Variants in PATL2 observed in about 807,000 individuals in gnomAD.
PATL2 encodes protein PAT1 homolog 2.
In PATL2, 73 loss-of-function variants were observed where a neutral mutation model predicts 77.0. That is an observed-to-expected ratio of 0.95 (90% CI 0.78 to 1.15). PATL2 has a LOEUF of 1.15. Ranked by LOEUF, PATL2 falls within the 50% of genes most tolerant of loss-of-function variation. The pLI is 0.00. For missense variants in PATL2, 618 were observed against 655.4 expected (o/e 0.94, Z 0.62); for synonymous variants, 265 against 257.1 (o/e 1.03, Z -0.29).
At chr15:44,693,617 T>C (rs1006672583) in intron 3 of PATL2, among the ~76,000 whole-genome samples, 1 of 152,192 alleles carries the variant, frequency 6.6e-6, no homozygotes, top group African/African-American at 2.4e-5. Context: ...TAAAGTAATG[T>C]TTCTGCAGGT....
intron 3 of PATL2, among the ~76,000 whole-genome samples, chr15:44,680,212 G>T (rs1372407751): frequency 6.6e-6 from 1 of 152,134 alleles, no homozygotes; most frequent in Non-Finnish European, 1.5e-5. Context: ...CCACTTGAAT[G>T]TGCCATCTGC....
intron 3 of PATL2, among the ~76,000 whole-genome samples, chr15:44,704,740 T>C (rs1329373686): frequency 6.6e-6 from 1 of 152,250 alleles, no homozygotes; most frequent in African/African-American, 2.4e-5. Context: ...TGCTCATTAA[T>C]GTCCTTTTCT....
At chr15:44,696,846 T>G (rs1374878880) in intron 3 of PATL2, among the ~76,000 whole-genome samples, 2 of 152,148 alleles carry the variant, frequency 1.3e-5, no homozygotes, top group African/African-American at 4.8e-5. Context: ...ATAAATTAAT[T>G]ATTGGGCTGA....
chr15:44,670,120 A>G lies in PATL2; in HGVS notation c.658-33T>C, dbSNP rs991782557. On this transcript the variant is annotated intron_variant, in intron 9 of 17. Coordinates refer to ENST00000682850, the MANE Select transcript of PATL2 (RefSeq NM_001387263.1). ...TGCACGGAATAGGAAACAAAAAAACAAAACACCTTATATTCATCTTTTGAA... is the reference window on the plus strand; with the variant it reads ...TGCACGGAATAGGAAACAAAAAAACGAAACACCTTATATTCATCTTTTGAA... The G allele has an allele frequency of 1.9e-6, 3 of 1,549,030 alleles. No homozygotes were observed. In the Admixed American group the frequency reaches 6.0e-5, roughly 31 times the overall value.
At chr15:44,677,521 C>A (rs929776054) in intron 3 of PATL2, among the ~76,000 whole-genome samples, 1 of 152,114 alleles carries the variant, frequency 6.6e-6, no homozygotes, top group Non-Finnish European at 1.5e-5. Flanking sequence ...TCAACAACAA[C>A]AAAAACAAAA....
chr15:44,708,759 ATAAACAT>A (rs892272653), intron 3 of PATL2, among the ~76,000 whole-genome samples: 3 of 152,252 alleles, frequency 2.0e-5, no homozygotes, highest in Non-Finnish European at 2.9e-5. Flanking sequence ...TAAAACTGCT[ATAAACAT>A]TAAACATTAA....
At chr15:44,688,682 C>A (rs1316356569) in intron 3 of PATL2, among the ~76,000 whole-genome samples, 1 of 152,176 alleles carries the variant, frequency 6.6e-6, no homozygotes, top group East Asian at 1.9e-4. Context: ...AACTGGACCC[C>A]TTCCTTACAC....
intron 3 of PATL2, among the ~76,000 whole-genome samples, chr15:44,700,363 G>C (rs183039377): frequency 2.6e-5 from 4 of 152,196 alleles, no homozygotes; most frequent in Admixed American, 2.6e-4. Context: ...GTGCAGTGGT[G>C]CCATCTTGGT....
At chr15:44,710,768 G>A (rs1251335134) in intron 2 of PATL2, among the ~76,000 whole-genome samples, 103 bp downstream of exon 2, 6 of 152,120 alleles carry the variant, frequency 3.9e-5, no homozygotes, top group South Asian at 2.1e-4. Context: ...TACCTAGAGG[G>A]CGCTGGAAGC....
At position 44,675,683 on chromosome 15, in the gene PATL2, T is replaced by C. The variant is rs1566857097; in HGVS notation, c.25A>G (p.Lys9Glu). Residue 9 changes from lysine (K) to glutamate (E), a missense_variant, in exon 5 of 18, where the codon AAG (lysine) becomes GAG (glutamate). Transcript: ENST00000682850. The part of the protein sequence containing the change: MNCLEGPG[K>E]TCGPLASEEE... The stretch of plus-strand genomic sequence containing the variant: ...TCAGAAGCCAAGGGGCCACAGGTCT[T>C]ACCTGGCCCTTGGTTTAAGTGTGGG... 1.3e-6 allele frequency: 2 copies of C among 1,548,756 alleles called. No individual in the cohort carries two copies. The highest frequency in any genetic ancestry group is 2.7e-5 in the African/African-American group (2 of 72,956).
At chr15:44,708,588 C>A (rs1354981243) in intron 3 of PATL2, among the ~76,000 whole-genome samples, 1 of 152,102 alleles carries the variant, frequency 6.6e-6, no homozygotes, top group Admixed American at 6.5e-5. Flanking sequence ...TGTCTGACTT[C>A]TTTTATTTAC....
At chr15:44,679,557 T>C (rs1025040059) in intron 3 of PATL2, among the ~76,000 whole-genome samples, 19 of 147,574 alleles carry the variant, frequency 1.3e-4, no homozygotes, top group Admixed American at 1.3e-4. Context: ...TTTTTCTTTT[T>C]TTTTTTTTTT....
rs562374731 is a variant in PATL2, at chr15:44,676,931, C to T, written c.-75-366G>A. ...GCAGCCTGGGCCAGGACCTGTTTGC[C>T]GCTCCTGGCTTTAAAAGTCCCAGCT... On this transcript the variant is annotated intron_variant, in intron 3 of 17. Transcript: ENST00000682850. 62 of 1,010,402 alleles carry T rather than the reference C, an allele frequency of 6.1e-5. 1 individual carries two copies. In the South Asian group the frequency reaches 1.5e-3, roughly 24 times the overall value. The allele number at this position is 1,010,402 out of a possible 1,614,324, so 62.6% of individuals were successfully genotyped here.
At chr15:44,686,470 T>C (rs762051678) in intron 3 of PATL2, among the ~76,000 whole-genome samples, 34 of 152,098 alleles carry the variant, frequency 2.2e-4, no homozygotes, top group East Asian at 3.8e-4. Context: ...AGATCTAAAA[T>C]TGACACCTTA....
chr15:44,702,577 T>C (rs934787245), intron 3 of PATL2, among the ~76,000 whole-genome samples: 11 of 152,072 alleles, frequency 7.2e-5, no homozygotes, highest in African/African-American at 2.7e-4. Context: ...TGCATCATTA[T>C]GTTGTTTATT....
chr15:44,695,174 C>T (rs544817255), intron 3 of PATL2, among the ~76,000 whole-genome samples: 33 of 150,118 alleles, frequency 2.2e-4, no homozygotes, highest in Middle Eastern at 3.4e-3. Context: ...GGCGACAGAG[C>T]GAGACTCCCT....
At chr15:44,672,364 C>T (rs1361245120) in intron 8 of PATL2, 24 bp downstream of exon 8, 1 of 1,550,832 alleles carries the variant, frequency 6.4e-7, no homozygotes, top group East Asian at 2.4e-5. Flanking sequence ...CTCCCCTCAA[C>T]CCTGCTCCTG....
intron 3 of PATL2, among the ~76,000 whole-genome samples, chr15:44,703,607 T>C (rs1008737258): frequency 3.3e-5 from 5 of 151,994 alleles, no homozygotes; most frequent in Non-Finnish European, 1.5e-5. Context: ...TAGCTATTCA[T>C]GATCCTTTTT....
chr15:44,669,901 T>A (rs947546782), intron 10 of PATL2, 27 bp from the exon 11 acceptor site: 13 of 1,551,112 alleles, frequency 8.4e-6, no homozygotes, highest in Non-Finnish European at 8.7e-6. Flanking sequence ...GCACATTTCC[T>A]TCCCCCTCCC....
Sources: allele counts gnomAD v4.1 joint callset (sites outside exome capture counted in the v4.1 genomes callset), GRCh38; gene constraint gnomAD v4.1.1; transcripts MANE v1.5; gene names NCBI Gene and HGNC (gene_info 2026-07-23, HGNC 2026-07-21).